Variants in STK33 observed in about 807,000 individuals in gnomAD.
STK33 encodes the protein serine/threonine-protein kinase 33.
In STK33, 52 loss-of-function variants were observed where a neutral mutation model predicts 58.0. The observed-to-expected ratio is 0.90, with a 90% CI of 0.72 to 1.13. The LOEUF (loss-of-function observed/expected upper bound fraction) is 1.13, where lower values mean the gene tolerates loss of function less well. Ranked by LOEUF, STK33 falls within the 50% of genes most tolerant of loss-of-function variation. The pLI, the probability that STK33 is intolerant of heterozygous loss-of-function variation, is 0.00. For synonymous variants in STK33, 215 were observed against 200.1 expected, an observed-to-expected ratio of 1.07 and a Z score of -0.63; for missense variants, 630 against 604.2, an observed-to-expected ratio of 1.04 and a Z score of -0.45.
chr11:8,409,711 A>T (rs972457912), intron 15 of STK33, among the ~76,000 whole-genome samples: 6 of 152,204 alleles, frequency 3.9e-5, no homozygotes, highest in African/African-American at 1.4e-4. Context: ...AGGAGCCTTG[A>T]TACAGCCAGG....
intron 6 of STK33, among the ~76,000 whole-genome samples, chr11:8,470,147 G>T (rs1948633577): frequency 6.6e-6 from 1 of 152,224 alleles, no homozygotes; most frequent in South Asian, 2.1e-4. Flanking sequence ...GGATTAGTTA[G>T]CATCTTCTAA....
the STK33 span, among the ~76,000 whole-genome samples, chr11:8,343,536 C>A: frequency 6.6e-6 from 1 of 152,180 alleles, no homozygotes; most frequent in Admixed American, 6.5e-5. Flanking sequence ...TGGAAATCCC[C>A]CGCACACTCG....
chr11:8,343,256 C>T, the STK33 span, among the ~76,000 whole-genome samples: 1 of 152,250 alleles, frequency 6.6e-6, no homozygotes, highest in Non-Finnish European at 1.5e-5. Flanking sequence ...AGGAAGCCAT[C>T]ACAGACTGAG....
At chr11:8,457,201 G>T (rs1196323940) in intron 9 of STK33, 140 bp downstream of exon 9, 1 of 702,974 alleles carries the variant, frequency 1.4e-6, no homozygotes, top group Non-Finnish European at 2.0e-6. Context: ...AGTTAAAAAG[G>T]AAACATTTTT....
intron 1 of STK33, among the ~76,000 whole-genome samples, chr11:8,502,031 A>T (rs1045689872): frequency 1.3e-5 from 2 of 151,960 alleles, no homozygotes; most frequent in African/African-American, 4.8e-5. Context: ...GGGCTTGGGA[A>T]GTGACTAATA....
chr11:8,550,788 T>G (rs1181121317), intron 1 of STK33, among the ~76,000 whole-genome samples: 2 of 152,172 alleles, frequency 1.3e-5, no homozygotes, highest in African/African-American at 4.8e-5. Context: ...TTGGGCAAAA[T>G]TTCTCTAGGA....
chr11:8,369,591 C>A, the STK33 span, among the ~76,000 whole-genome samples: 1 of 152,094 alleles, frequency 6.6e-6, no homozygotes, highest in Admixed American at 6.5e-5. Flanking sequence ...TCTCCCACCT[C>A]CTCTCCTCCT....
At chr11:8,377,970 AAACACATCCC>A in the STK33 span, among the ~76,000 whole-genome samples, 3 of 152,274 alleles carry the variant, frequency 2.0e-5, no homozygotes, top group Admixed American at 6.5e-5. Context: ...AAACAACTAG[AAACACATCCC>A]AAGCTCATGA....
rs571563400 is a variant in STK33, at chr11:8,413,772, C to T, written c.1147-80G>A. 5.5e-6 allele frequency: 7 copies of T among 1,263,232 alleles called. No individual in the cohort carries two copies. The African/African-American group carries it at 6.0e-5, about 11-fold the overall frequency. 78.3% of individuals were successfully genotyped at this position (1,263,232 alleles called of 1,614,324 possible). ...TACCTACATCATTTAGCGAGACAGT[C>T]TCCCAAATTCAGTAATAGTCACATG... On this transcript the variant is annotated intron_variant, in intron 14 of 15. Coordinates refer to ENST00000687296, the MANE Select transcript of STK33 (RefSeq NM_001352389.2).
At chr11:8,399,314 C>T (rs1416901881) in intron 15 of STK33, among the ~76,000 whole-genome samples, 1 of 152,216 alleles carries the variant, frequency 6.6e-6, no homozygotes. Flanking sequence ...TTAAGAAACT[C>T]ACTCAAAACC....
At chr11:8,418,958 G>A (rs2135807548) in intron 14 of STK33, among the ~76,000 whole-genome samples, 1 of 151,692 alleles carries the variant, frequency 6.6e-6, no homozygotes, top group African/African-American at 2.4e-5. Context: ...TTTTTCTCGT[G>A]AATTTAATTT....
chr11:8,533,742 T>A (rs12226478), intron 1 of STK33, among the ~76,000 whole-genome samples: 1 of 152,110 alleles, frequency 6.6e-6, no homozygotes, highest in South Asian at 2.1e-4. Context: ...GAATTTGATA[T>A]GTAAAATAAA....
chr11:8,410,474 T>TC (rs199974053), intron 15 of STK33, among the ~76,000 whole-genome samples: 4,240 of 145,940 alleles, frequency 0.029, 88 homozygotes, highest in African/African-American at 0.05. Context: ...TCTTTTCTTT[T>TC]TTTTTTTTTT....
At chr11:8,510,622 T>A (rs2139437272) in intron 1 of STK33, among the ~76,000 whole-genome samples, 1 of 152,344 alleles carries the variant, frequency 6.6e-6, no homozygotes, top group Non-Finnish European at 1.5e-5. Context: ...TTCCAGAATT[T>A]TTATAGTTTC....
chr11:8,522,288 T>C (rs369449169), intron 1 of STK33, among the ~76,000 whole-genome samples: 3 of 152,296 alleles, frequency 2.0e-5, no homozygotes, highest in South Asian at 4.1e-4. Flanking sequence ...TGGAATACTA[T>C]GCAGCCATAA....
chr11:8,523,927 G>A (rs1216081513), intron 1 of STK33, among the ~76,000 whole-genome samples: 1 of 152,234 alleles, frequency 6.6e-6, no homozygotes, highest in Non-Finnish European at 1.5e-5. Flanking sequence ...CTGTGTCTGT[G>A]TGGAAAGAAG....
At chr11:8,405,974 C>G (rs1215224510) in intron 15 of STK33, among the ~76,000 whole-genome samples, 1 of 151,918 alleles carries the variant, frequency 6.6e-6, no homozygotes, top group Non-Finnish European at 1.5e-5. Context: ...AACCCCATCT[C>G]TACTAAAAAT....
chr11:8,495,873 T>C (rs1951018911), intron 1 of STK33, among the ~76,000 whole-genome samples: 1 of 149,796 alleles, frequency 6.7e-6, no homozygotes, highest in Non-Finnish European at 1.5e-5. Flanking sequence ...CCAAATGTTC[T>C]CACTCATGGA....
At chr11:8,495,335 C>T (rs1337282340) in intron 1 of STK33, among the ~76,000 whole-genome samples, 3 of 152,102 alleles carry the variant, frequency 2.0e-5, no homozygotes, top group Non-Finnish European at 4.4e-5. Context: ...AGCCAACAAA[C>T]ATATGAAAAA....
Sources: allele counts gnomAD v4.1 joint callset (sites outside exome capture counted in the v4.1 genomes callset), GRCh38; gene constraint gnomAD v4.1.1; transcripts MANE v1.5; gene names NCBI Gene and HGNC (gene_info 2026-07-23, HGNC 2026-07-21).